Variants in ADGB observed in about 807,000 individuals in gnomAD.
The protein encoded by ADGB is androglobin.
In ADGB, 172 loss-of-function variants were observed where a neutral mutation model predicts 210.5. That is an observed-to-expected ratio of 0.82 (90% CI 0.72 to 0.93). ADGB has a LOEUF of 0.93. Among genes scored for constraint, ADGB ranks in the 40% least tolerant of loss-of-function variants. The probability of loss-of-function intolerance (pLI) is 0.00; values close to 1 mark genes in which losing one functional copy is unlikely to be tolerated. For synonymous variants in ADGB, 658 were observed against 662.7 expected, an observed-to-expected ratio of 0.99 and a Z score of 0.11; for missense variants, 2,025 against 1,964.8, an observed-to-expected ratio of 1.03 and a Z score of -0.58.
chr6:146,807,846 C>T lies in ADGB; in HGVS notation c.4818+5835C>T, dbSNP rs1583649682. ...ATATATGTTTGACACTCTAAACTGC[C>T]TGCATTTTTAATTAGAAGTGAAACA... On this transcript the variant is annotated intron_variant, in intron 35 of 35. Coordinates refer to ENST00000397944, the MANE Select transcript of ADGB (RefSeq NM_024694.4). 3 of 224,324 alleles carry T rather than the reference C, an allele frequency of 1.3e-5. No individual in the cohort carries two copies. The East Asian group carries it at 2.9e-4, about 22-fold the overall frequency. The allele number at this position is 224,324 out of a possible 1,614,324, so 13.9% of individuals were successfully genotyped here. A position where few individuals can be genotyped will look rare whatever the true frequency, so the allele number is the denominator to read the frequency against.
chr6:146,664,384 A>G (rs1335398874), intron 6 of ADGB, 44 bp downstream of exon 6: 29 of 1,503,806 alleles, frequency 1.9e-5, no homozygotes, highest in Non-Finnish European at 2.6e-5. Flanking sequence ...AAAAGCAAAC[A>G]AAAACATTAA....
At chr6:146,683,925 TG>T (rs1776189770) in intron 9 of ADGB, among the ~76,000 whole-genome samples, 1 of 152,082 alleles carries the variant, frequency 6.6e-6, no homozygotes, top group African/African-American at 2.4e-5. Context: ...TGTACAAATG[TG>T]GGATATAATG....
intron 16 of ADGB, 109 bp downstream of exon 16, chr6:146,717,708 T>C (rs1776755654): frequency 3.6e-6 from 2 of 550,146 alleles, no homozygotes; most frequent in Admixed American, 8.7e-5. Flanking sequence ...AACATAGTTA[T>C]ATTTTTAAAA....
intron 1 of ADGB, among the ~76,000 whole-genome samples, chr6:146,608,761 A>G (rs1780664637): frequency 6.6e-6 from 1 of 152,024 alleles, no homozygotes; most frequent in Non-Finnish European, 1.5e-5. Flanking sequence ...AATTTTTTCA[A>G]TTTGTTGAGA....
chr6:146,789,593 TA>T (rs1434998656), intron 33 of ADGB, among the ~76,000 whole-genome samples: 1 of 152,230 alleles, frequency 6.6e-6, no homozygotes, highest in Non-Finnish European at 1.5e-5. Context: ...AATCTTTTAC[TA>T]TACTAACAAG....
At chr6:146,686,467 C>T (rs1243537974) in intron 10 of ADGB, among the ~76,000 whole-genome samples, 2 of 151,790 alleles carry the variant, frequency 1.3e-5, no homozygotes, top group Admixed American at 6.6e-5. Flanking sequence ...ATGTGTATAC[C>T]TTTTTTACTG....
chr6:146,669,633 C>T (rs1022043355), intron 7 of ADGB, among the ~76,000 whole-genome samples: 2 of 152,040 alleles, frequency 1.3e-5, no homozygotes, highest in African/African-American at 4.8e-5. Context: ...TTTTCTCCTT[C>T]TTATTTTCTG....
At chr6:146,705,420 T>A (rs998498741) in intron 13 of ADGB, among the ~76,000 whole-genome samples, 1 of 152,190 alleles carries the variant, frequency 6.6e-6, no homozygotes, top group South Asian at 2.1e-4. Flanking sequence ...TTGTCATATA[T>A]GGCCTTTGTT....
At chr6:146,704,017 T>C (rs1434677857) in intron 13 of ADGB, among the ~76,000 whole-genome samples, 1 of 152,010 alleles carries the variant, frequency 6.6e-6, no homozygotes, top group Non-Finnish European at 1.5e-5. Flanking sequence ...AGGTGTGAAG[T>C]GATATCTCAC....
At chr6:146,758,904 T>C (rs1777448024) in intron 27 of ADGB, among the ~76,000 whole-genome samples, 1 of 152,126 alleles carries the variant, frequency 6.6e-6, no homozygotes, top group Non-Finnish European at 1.5e-5. Context: ...ATGATAGAAC[T>C]ATTATTGTAC....
At chr6:146,650,308 A>T (rs1193505008) in intron 3 of ADGB, among the ~76,000 whole-genome samples, 1 of 152,152 alleles carries the variant, frequency 6.6e-6, no homozygotes, top group Non-Finnish European at 1.5e-5. Flanking sequence ...TTGAAATCAT[A>T]AGTTTTATTT....
intron 4 of ADGB, among the ~76,000 whole-genome samples, chr6:146,654,554 C>T (rs975595893): frequency 6.6e-6 from 1 of 151,972 alleles, no homozygotes. Context: ...GATCGCACCA[C>T]ATTGCCCAGG....
chr6:146,792,805 A>G (rs1311325397), intron 33 of ADGB, among the ~76,000 whole-genome samples: 1 of 152,218 alleles, frequency 6.6e-6, no homozygotes, highest in Non-Finnish European at 1.5e-5. Context: ...AATGTCTTCA[A>G]GACATTTCTC....
chr6:146,696,928 C>T (rs1339183519), intron 12 of ADGB, among the ~76,000 whole-genome samples: 1 of 151,886 alleles, frequency 6.6e-6, no homozygotes, highest in East Asian at 1.9e-4. Context: ...TGTTTTAGAA[C>T]AACAAAAAAG....
In ADGB at chr6:146,734,137, T is replaced by C; in HGVS notation, c.2794+107T>C. The C allele has an allele frequency of 4.7e-6, 5 of 1,065,482 alleles. No individual in the cohort carries two copies. The South Asian group carries it at 8.3e-5, about 18-fold the overall frequency. 66.0% of individuals were successfully genotyped at this position (1,065,482 alleles called of 1,614,324 possible). ...GTCCCCCACTTTATGGCTAATTAATTTCAGTCCTCTAAATAATGAAATTAT... is the reference window on the plus strand; with the variant it reads ...GTCCCCCACTTTATGGCTAATTAATCTCAGTCCTCTAAATAATGAAATTAT... On this transcript the variant is annotated intron_variant, in intron 22 of 35. Transcript: ENST00000397944.
At chr6:146,759,029 C>T (rs112633135) in intron 27 of ADGB, among the ~76,000 whole-genome samples, 2 of 151,760 alleles carry the variant, frequency 1.3e-5, no homozygotes, top group South Asian at 2.1e-4. Flanking sequence ...AACACTTTTC[C>T]GTGGCTTCTC....
intron 8 of ADGB, among the ~76,000 whole-genome samples, chr6:146,674,687 G>A (rs953537485): frequency 6.6e-6 from 1 of 152,168 alleles, no homozygotes; most frequent in Non-Finnish European, 1.5e-5. Context: ...GATGTGGCAA[G>A]GTTTGCAGAA....
intron 9 of ADGB, among the ~76,000 whole-genome samples, chr6:146,680,953 A>T (rs1480005162): frequency 2.0e-5 from 3 of 152,146 alleles, no homozygotes; most frequent in African/African-American, 7.2e-5. Flanking sequence ...GTTCTATACC[A>T]GTGGGAAGTA....
intron 28 of ADGB, among the ~76,000 whole-genome samples, chr6:146,765,111 T>G (rs1777553176): frequency 2.6e-5 from 4 of 152,064 alleles, no homozygotes; most frequent in Admixed American, 2.0e-4. Context: ...ATGATAGTTT[T>G]AATACATATA....
Sources: gnomAD v4.1 joint callset for allele counts (sites outside exome capture counted in the v4.1 genomes callset) on GRCh38, gnomAD v4.1.1 for gene constraint, MANE v1.5 for transcripts, NCBI Gene and HGNC (gene_info 2026-07-23, HGNC 2026-07-21) for gene names.